The following AFF3 variants were observed in gnomAD, a reference collection of about 807,000 sequenced individuals.
AFF3 encodes AF4/FMR2 family member 3.
AFF3 carries 32 observed loss-of-function variants against 129.7 expected under a neutral mutation model. That is an observed-to-expected ratio of 0.25 (90% CI 0.19 to 0.33). The LOEUF is 0.33. Among genes scored for constraint, AFF3 ranks in the 10% least tolerant of loss-of-function variants. The pLI is 1.00. For synonymous variants in AFF3, 644 were observed against 635.4 expected (o/e 1.01, Z -0.20); for missense variants, 1,373 against 1,592.0 (o/e 0.86, Z 2.34).
intron 13 of AFF3, among the ~76,000 whole-genome samples, chr2:99,633,931 T>C (rs1683368101): frequency 3.4e-5 from 5 of 148,376 alleles, no homozygotes; most frequent in South Asian, 4.4e-4. Context: ...TTTTTTTTTT[T>C]TGAGATGGAG....
chr2:100,062,830 T>C (rs1381012726), intron 4 of AFF3, among the ~76,000 whole-genome samples: 1 of 152,184 alleles, frequency 6.6e-6, no homozygotes, highest in Non-Finnish European at 1.5e-5. Context: ...AAAGAACAGA[T>C]GCAAAGTGCC....
chr2:99,957,022 C>A (rs1676714402), intron 7 of AFF3, among the ~76,000 whole-genome samples: 1 of 152,152 alleles, frequency 6.6e-6, no homozygotes, highest in South Asian at 2.1e-4. Flanking sequence ...AAATCCCAGG[C>A]CTTGTGCTAA....
At chr2:99,707,108 A>T in intron 11 of AFF3, 1 of 985,426 alleles carries the variant, frequency 1.0e-6, no homozygotes, top group Non-Finnish European at 1.2e-6. Context: ...TCTTACCCCG[A>T]TGAAGGCTGG....
chr2:99,983,728 T>G (rs936651404), intron 7 of AFF3, among the ~76,000 whole-genome samples: 3 of 152,206 alleles, frequency 2.0e-5, no homozygotes, highest in Non-Finnish European at 4.4e-5. Flanking sequence ...ACTGAGTTAC[T>G]CAGGTAATTG....
chr2:99,838,241 T>C (rs112285107), intron 7 of AFF3, among the ~76,000 whole-genome samples: 84 of 152,202 alleles, frequency 5.5e-4, no homozygotes, highest in African/African-American at 2.0e-3. Context: ...TGTGGGTTTG[T>C]GGGGACACAG....
chr2:99,727,065 A>G lies in AFF3; in HGVS notation c.1091+12T>C, dbSNP rs775849325. The stretch of plus-strand genomic sequence containing the variant: ...GAACAGGCATCTCTGATAGAAAATG[A>G]AAGAAACTTACGATGTATTCGATGT... On this transcript the variant is annotated intron_variant, in intron 11 of 24. Coordinates refer to ENST00000672756, the MANE Select transcript of AFF3 (RefSeq NM_001386135.1). The G allele has an allele frequency of 6.2e-7, 1 of 1,601,002 alleles. No homozygotes were observed. The highest frequency in any genetic ancestry group is 1.3e-5 in the African/African-American group (1 of 74,222).
chr2:99,829,151 G>GA (rs1688328834), intron 8 of AFF3, among the ~76,000 whole-genome samples: 3 of 152,192 alleles, frequency 2.0e-5, no homozygotes, highest in Admixed American at 2.0e-4. Context: ...ATTAAACACT[G>GA]AAAAAATGTG....
chr2:99,578,504 G>A, intron 17 of AFF3, 53 bp from the exon 18 acceptor site: 1 of 1,603,466 alleles, frequency 6.2e-7, no homozygotes, highest in Non-Finnish European at 8.5e-7. Context: ...GGTGAAGCGA[G>A]CAGCCCATCA....
At chr2:99,961,217 T>C (rs1009211129) in intron 7 of AFF3, among the ~76,000 whole-genome samples, 2 of 152,120 alleles carry the variant, frequency 1.3e-5, no homozygotes, top group Admixed American at 1.3e-4. Context: ...CCAAGACAAC[T>C]TGGGAAAGGT....
intron 8 of AFF3, among the ~76,000 whole-genome samples, chr2:99,792,312 T>A (rs2309650): frequency 6.6e-6 from 1 of 151,852 alleles, no homozygotes; most frequent in African/African-American, 2.4e-5. Flanking sequence ...CTACAAAATA[T>A]AAAAAAATTA....
At chr2:99,694,626 C>CA (rs1676010251) in intron 11 of AFF3, among the ~76,000 whole-genome samples, 4 of 23,930 alleles carry the variant, frequency 1.7e-4, no homozygotes, top group Non-Finnish European at 2.4e-4. Flanking sequence ...ATATGTGAGT[C>CA]GCTATGTAGT....
chr2:99,936,177 G>T (rs924189087), intron 7 of AFF3, among the ~76,000 whole-genome samples: 13 of 152,310 alleles, frequency 8.5e-5, no homozygotes, highest in African/African-American at 2.6e-4. Context: ...AGCTGGGTAT[G>T]AATTAGAGGA....
At chr2:100,014,870 G>A (rs1682868797) in intron 4 of AFF3, among the ~76,000 whole-genome samples, 1 of 142,532 alleles carries the variant, frequency 7.0e-6, no homozygotes, top group Non-Finnish European at 1.5e-5. Flanking sequence ...TGCAACCTCC[G>A]CCTCCCAGGT....
chr2:99,593,282 G>T lies in AFF3; in HGVS notation c.2379C>A (p.Ala793=). The change falls in exon 15 of 25, where the codon GCC becomes GCA. Residue 793 remains alanine (A), a synonymous_variant. Coordinates refer to ENST00000672756, the MANE Select transcript of AFF3 (RefSeq NM_001386135.1). Reference sequence around the variant, plus strand: ...GCGGTGCGCTCTCAGAGTCCTTGGTGGCAGGGGCGCTCAATACCCCTGGCT... The same window carrying T: ...GCGGTGCGCTCTCAGAGTCCTTGGTTGCAGGGGCGCTCAATACCCCTGGCT... The part of the protein sequence containing the change: ...PQEPGVLSAP[A]TKDSESAPPS... 6.2e-7 allele frequency: 1 copy of T among 1,613,898 alleles called. No individual in the cohort carries two copies. The highest frequency in any genetic ancestry group is 8.5e-7 in the Non-Finnish European group (1 of 1,179,860).
intron 12 of AFF3, among the ~76,000 whole-genome samples, chr2:99,672,265 G>T (rs1687236891): frequency 6.6e-6 from 1 of 150,698 alleles, no homozygotes; most frequent in African/African-American, 2.4e-5. Flanking sequence ...AAAAGGCTCT[G>T]TCTACTTCTG....
intron 11 of AFF3, among the ~76,000 whole-genome samples, chr2:99,673,964 C>A (rs539751489): frequency 6.6e-6 from 1 of 152,166 alleles, no homozygotes; most frequent in Non-Finnish European, 1.5e-5. Context: ...CTTTAGATTC[C>A]GTTGTGAGTC....
intron 11 of AFF3, among the ~76,000 whole-genome samples, chr2:99,706,240 G>A (rs935569648): frequency 6.6e-5 from 10 of 152,180 alleles, no homozygotes; most frequent in Admixed American, 1.3e-4. Flanking sequence ...GTGCTCTGAT[G>A]TACACCCTGG....
chr2:99,995,944 T>C (rs1680798548), intron 7 of AFF3, among the ~76,000 whole-genome samples: 1 of 152,240 alleles, frequency 6.6e-6, no homozygotes, highest in South Asian at 2.1e-4. Context: ...CAAAGGTTTA[T>C]ATATGAGAAT....
Position 99,706,268 on chromosome 2 carries a change from G to C in AFF3, c.1091+20809C>G, listed in dbSNP as rs761818935. Reference sequence around the variant, plus strand: ...CACCCTGGTTATAAACCATAGTCAGGGGACTGGTTTGGAAAAATAAACTAT... The same window carrying C: ...CACCCTGGTTATAAACCATAGTCAGCGGACTGGTTTGGAAAAATAAACTAT... On this transcript the variant is annotated intron_variant, in intron 11 of 24. Coordinates refer to ENST00000672756, the MANE Select transcript of AFF3 (RefSeq NM_001386135.1). 4.7e-4 allele frequency among the ~76,000 whole-genome samples: 71 copies of C among 152,206 alleles called. 2 individuals are homozygous for C. The highest frequency in any genetic ancestry group is 1.0e-4 in the Non-Finnish European group (7 of 68,046).
Sources: allele counts gnomAD v4.1 joint callset (sites outside exome capture counted in the v4.1 genomes callset), GRCh38; gene constraint gnomAD v4.1.1; transcripts MANE v1.5; gene names NCBI Gene and HGNC (gene_info 2026-07-23, HGNC 2026-07-21).